NCOA7: variants seen among roughly 807,000 people sequenced by gnomAD.
The protein encoded by NCOA7 is 140 kDa estrogen receptor-associated protein.
A neutral mutation model predicts 104.3 loss-of-function variants in NCOA7; 45 were observed. The ratio of observed to expected loss-of-function variants is 0.43; its 90% CI spans 0.34 to 0.55. The LOEUF is 0.55. Among genes scored for constraint, NCOA7 ranks in the 20% least tolerant of loss-of-function variants. NCOA7 has a pLI of 0.02. For synonymous variants in NCOA7, 398 were observed against 402.3 expected, an observed-to-expected ratio of 0.99 and a Z score of 0.13; for missense variants, 1,041 against 1,119.7, an observed-to-expected ratio of 0.93 and a Z score of 1.00.
intron 1 of NCOA7, among the ~76,000 whole-genome samples, chr6:125,795,659 C>T (rs536970657): frequency 3.0e-4 from 46 of 152,294 alleles, no homozygotes; most frequent in Non-Finnish European, 5.6e-4. Flanking sequence ...CCCATTTCAG[C>T]AGGCTGTCCT....
intron 9 of NCOA7, 29 bp downstream of exon 9, chr6:125,890,010 A>T (rs1784518183): frequency 2.1e-6 from 3 of 1,451,060 alleles, no homozygotes; most frequent in Non-Finnish European, 2.7e-6. Context: ...ATGCCTTTAT[A>T]TTCTGTTGCA....
At chr6:125,872,187 A>T (rs1269194859) in intron 3 of NCOA7, among the ~76,000 whole-genome samples, 1 of 152,166 alleles carries the variant, frequency 6.6e-6, no homozygotes, top group Non-Finnish European at 1.5e-5. Context: ...TGGCAAAGGA[A>T]GGTAATTTAA....
At position 125,889,177 on chromosome 6, in the gene NCOA7, G is replaced by T; in HGVS notation, c.1123G>T (p.Asp375Tyr). ...TGTGTCAGAGAAATTAAAGAAACTG[G>T]ACTCCTCTAGGGAGACATCCCATGG... ...SSVSEKLKKL[D>Y]SSRETSHGSP... Residue 375 changes from aspartate (D) to tyrosine (Y), a missense_variant, in exon 9 of 16, where the codon GAC becomes TAC. By Grantham distance (160) the Asp-to-Tyr change is radical. This residue lies in a region of NCOA7 where 914 missense variants were observed against 942.7 expected (regional missense o/e 0.97). Transcript: ENST00000392477. 1 of 1,614,014 alleles carries T rather than the reference G, an allele frequency of 6.2e-7. No homozygotes were observed. Among genetic ancestry groups the T allele is most frequent in the Non-Finnish European group, 8.5e-7 (1 of 1,179,998 alleles).
At chr6:125,920,824 A>T in intron 11 of NCOA7, 119 bp from the exon 12 acceptor site, 1 of 1,323,916 alleles carries the variant, frequency 7.6e-7, no homozygotes, top group Non-Finnish European at 1.0e-6. Context: ...TGTTCAGTTG[A>T]TTTCCTGCTG....
At chr6:125,819,599 C>G (rs1393155738) in intron 2 of NCOA7, among the ~76,000 whole-genome samples, 2 of 152,082 alleles carry the variant, frequency 1.3e-5, no homozygotes, top group Non-Finnish European at 2.9e-5. Flanking sequence ...ATTTCTTGAT[C>G]CCTGACAGGT....
At chr6:125,831,977 T>C (rs893221471) in intron 2 of NCOA7, among the ~76,000 whole-genome samples, 1 of 152,216 alleles carries the variant, frequency 6.6e-6, no homozygotes, top group South Asian at 2.1e-4. Flanking sequence ...CTTTCAGCAT[T>C]GGTTCTTCCA....
At chr6:125,910,851 A>G (rs936499447) in intron 10 of NCOA7, among the ~76,000 whole-genome samples, 5 of 152,246 alleles carry the variant, frequency 3.3e-5, no homozygotes, top group African/African-American at 9.6e-5. Flanking sequence ...GTAAAGTACT[A>G]TGTAGCTGTA....
intron 6 of NCOA7, among the ~76,000 whole-genome samples, chr6:125,882,151 G>A (rs1390311391): frequency 6.6e-6 from 1 of 152,000 alleles, no homozygotes; most frequent in African/African-American, 2.4e-5. Context: ...ACCACACCCA[G>A]CCCATTTAGG....
intron 1 of NCOA7, among the ~76,000 whole-genome samples, chr6:125,808,585 T>A (rs1031323587): frequency 6.6e-6 from 1 of 152,216 alleles, no homozygotes; most frequent in Non-Finnish European, 1.5e-5. Context: ...CCTCCCTCTG[T>A]TTTCTTACCA....
chr6:125,799,825 C>T (rs1411045964), intron 1 of NCOA7, among the ~76,000 whole-genome samples: 1 of 152,154 alleles, frequency 6.6e-6, no homozygotes, highest in East Asian at 1.9e-4. Context: ...TCCACATGCA[C>T]ATAGAACACA....
chr6:125,798,703 C>G (rs1183925179), intron 1 of NCOA7, among the ~76,000 whole-genome samples: 1 of 152,114 alleles, frequency 6.6e-6, no homozygotes, highest in Non-Finnish European at 1.5e-5. Flanking sequence ...AGGAAAGTGA[C>G]AAACTTACTT....
chr6:125,904,496 A>G (rs1357239864), intron 10 of NCOA7, among the ~76,000 whole-genome samples: 1 of 152,064 alleles, frequency 6.6e-6, no homozygotes, highest in Non-Finnish European at 1.5e-5. Flanking sequence ...CTGGTCTTCC[A>G]ATGCCATGTC....
chr6:125,847,825 G>T (rs578201650), intron 2 of NCOA7, among the ~76,000 whole-genome samples: 30 of 152,292 alleles, frequency 2.0e-4, no homozygotes, highest in African/African-American at 7.0e-4. Flanking sequence ...AAACTAAAGA[G>T]CTTCTGCACA....
intron 10 of NCOA7, among the ~76,000 whole-genome samples, chr6:125,898,717 A>G (rs1785248897): frequency 6.6e-6 from 1 of 152,162 alleles, no homozygotes; most frequent in South Asian, 2.1e-4. Flanking sequence ...AAAACCCTTC[A>G]TAAAAGTGCT....
chr6:125,819,390 A>G (rs1196674243), intron 2 of NCOA7, among the ~76,000 whole-genome samples: 1 of 151,864 alleles, frequency 6.6e-6, no homozygotes, highest in East Asian at 1.9e-4. Context: ...GGGTGGATTA[A>G]TACTGCTACT....
At chr6:125,788,698 ATTTTTT>A (rs60048395), upstream of NCOA7, among the ~76,000 whole-genome samples, 1 of 121,916 alleles carries the variant, frequency 8.2e-6, no homozygotes, top group African/African-American at 3.1e-5. Flanking sequence ...CACCCAGCTA[ATTTTTT>A]TTTTTTTTTT....
chr6:125,920,896 A>G, intron 11 of NCOA7, 47 bp from the exon 12 acceptor site: 1 of 1,598,510 alleles, frequency 6.3e-7, no homozygotes, highest in Middle Eastern at 1.7e-4. Context: ...TAGCAGTTAG[A>G]AGAAAAGCCA....
chr6:125,928,273 C>T (rs1562197056), intron 15 of NCOA7, 26 bp downstream of exon 15: 1 of 1,587,882 alleles, frequency 6.3e-7, no homozygotes. Flanking sequence ...TTTTTGTTTT[C>T]TTATTGTTAT....
At position 125,863,002 on chromosome 6, in the gene NCOA7, CA is replaced by C. The variant is rs555432383; in HGVS notation, c.271+7769del. Among the ~76,000 whole-genome samples the C allele has an allele frequency of 6.3e-4, 87 of 138,038 alleles. 25 individuals are homozygous for C. The highest frequency in any genetic ancestry group is 2.4e-3 in the African/African-American group (81 of 33,378). 90.6% of individuals were successfully genotyped at this position (138,038 alleles called of 152,430 possible). On this transcript the variant is annotated intron_variant, in intron 3 of 15. Transcript: ENST00000392477. ...AGAGTGAGACTTCGTCTCAAAAAAA[CA>C]AAAAAACAAACAAAAAACCCTACTT...
Sources: allele counts gnomAD v4.1 joint callset (sites outside exome capture counted in the v4.1 genomes callset), GRCh38; gene constraint gnomAD v4.1.1; regional missense constraint gnomAD v4.1.1; transcripts MANE v1.5; gene names NCBI Gene and HGNC (gene_info 2026-07-23, HGNC 2026-07-21).